Variants in PRDM16 observed in about 807,000 individuals in gnomAD.
PRDM16 encodes histone-lysine N-methyltransferase PRDM16.
PRDM16 carries 23 observed loss-of-function variants against 110.6 expected under a neutral mutation model. That is an observed-to-expected ratio of 0.21 (90% CI 0.15 to 0.29). The LOEUF is 0.29. Ranked by LOEUF, PRDM16 falls within the 10% of genes least tolerant of loss-of-function variation. PRDM16 has a pLI of 1.00. For synonymous variants in PRDM16, 799 were observed against 781.8 expected, an observed-to-expected ratio of 1.02 and a Z score of -0.37; for missense variants, 1,615 against 1,794.3, an observed-to-expected ratio of 0.90 and a Z score of 1.81.
Position 3,411,656 on chromosome 1 carries a change from G to A in PRDM16, c.1459G>A (p.Glu487Lys), listed in dbSNP as rs1288282760. 6.2e-6 allele frequency: 10 copies of A among 1,613,376 alleles called. No homozygotes were observed. The highest frequency in any genetic ancestry group is 8.5e-6 in the Non-Finnish European group (10 of 1,179,594). Reference protein sequence around the residue: ...SLNHASLGFNEYFPSRPHPGS... With the variant: ...SLNHASLGFNKYFPSRPHPGS... ...CAATCACGCCAGCCTGGGCTTCAAC[G>A]AGTACTTTCCCTCCAGGCCGCACCC... Residue 487 changes from glutamate to lysine, a missense_variant, in exon 9 of 17, where the codon GAG becomes AAG. By Grantham distance (56) the Glu-to-Lys change is moderately conservative. Transcript: ENST00000270722.
intron 3 of PRDM16, among the ~76,000 whole-genome samples, chr1:3,293,049 C>A (rs1641012249): frequency 6.6e-6 from 1 of 152,248 alleles, no homozygotes; most frequent in Non-Finnish European, 1.5e-5. Flanking sequence ...GGGAACACAT[C>A]CAGGTGCCTT....
In PRDM16 at chr1:3,244,945, T is replaced by TG. The variant is rs35919026; in HGVS notation, c.438+817dup. On this transcript the variant is annotated intron_variant, in intron 3 of 16. Coordinates refer to ENST00000270722, the MANE Select transcript of PRDM16 (RefSeq NM_022114.4). This position sits in a 1 kb window ranked among gnomAD's most constrained non-coding sequence, Gnocchi z 4.1. ...ACGTGGTGGCTGATCTCCTATTTTT[T>TG]GGGGGGGGGTTTCTAGTAAAATTAA... Among the ~76,000 whole-genome samples, 197 of 151,504 alleles carry TG rather than the reference T, an allele frequency of 1.3e-3. No homozygotes were observed. In the Middle Eastern group the frequency reaches 0.017, roughly 13 times the overall value.
intron 1 of PRDM16, among the ~76,000 whole-genome samples, chr1:3,181,473 CGCAGTCTTACACACAGCCTTACGCAT>C (rs1644182280): frequency 9.8e-5 from 4 of 40,996 alleles, no homozygotes; most frequent in African/African-American, 2.0e-4. Flanking sequence ...GTCTTACACA[CGCAGTCTTACACACAGCCTTACGCAT>C]GGTCTTACAC....
intron 3 of PRDM16, among the ~76,000 whole-genome samples, chr1:3,352,979 G>T (rs559838484): frequency 6.6e-5 from 10 of 152,330 alleles, no homozygotes; most frequent in African/African-American, 2.4e-4. Context: ...GGGCCCATGC[G>T]TGGCCGGAGG....
intron 1 of PRDM16, among the ~76,000 whole-genome samples, chr1:3,104,618 C>T (rs1007390930): frequency 2.6e-5 from 3 of 115,208 alleles, no homozygotes; most frequent in African/African-American, 1.2e-4. Context: ...CATGTGCCAG[C>T]GGCCCTCTCC....
chr1:3,316,641 AACAGTGAC>A (rs1441181332), intron 3 of PRDM16, among the ~76,000 whole-genome samples: 39 of 148,990 alleles, frequency 2.6e-4, no homozygotes, highest in African/African-American at 9.0e-4. Context: ...GTAGGCAGAA[AACAGTGAC>A]ACAGTGACAC....
chr1:3,264,115 C>A (rs1640230744), intron 3 of PRDM16, among the ~76,000 whole-genome samples: 1 of 152,210 alleles, frequency 6.6e-6, no homozygotes, highest in African/African-American at 2.4e-5. Context: ...AGCCCACCAT[C>A]CCCTGGAAGA....
At chr1:3,326,994 C>G (rs1641927805) in intron 3 of PRDM16, among the ~76,000 whole-genome samples, 1 of 152,234 alleles carries the variant, frequency 6.6e-6, no homozygotes, top group Admixed American at 6.5e-5. Flanking sequence ...GGAGCCCACG[C>G]ACAGGGCCTG....
chr1:3,100,592 T>A (rs1413213784), intron 1 of PRDM16, among the ~76,000 whole-genome samples: 2 of 152,160 alleles, frequency 1.3e-5, no homozygotes, highest in Non-Finnish European at 2.9e-5. Flanking sequence ...GCACGGCCCA[T>A]GGTCCTCCCA....
intron 2 of PRDM16, among the ~76,000 whole-genome samples, chr1:3,215,466 T>TCCCGGGGACAGGCAA (rs1453346869): frequency 3.3e-5 from 5 of 149,254 alleles, no homozygotes; most frequent in East Asian, 2.0e-4. Flanking sequence ...GGGTCATGGG[T>TCCCGGGGACAGGCAA]GGAGGCGGGA....
intron 1 of PRDM16, among the ~76,000 whole-genome samples, chr1:3,150,720 C>A (rs1190223067): frequency 6.6e-6 from 1 of 152,104 alleles, no homozygotes; most frequent in Admixed American, 6.5e-5. Flanking sequence ...TAGACTCGAG[C>A]TTCAAACACA....
intron 2 of PRDM16, among the ~76,000 whole-genome samples, chr1:3,197,691 G>A (rs1464419843): frequency 6.6e-6 from 1 of 152,192 alleles, no homozygotes; most frequent in Non-Finnish European, 1.5e-5. Flanking sequence ...CAGAATGGGT[G>A]GGGAGGGCGG....
intron 1 of PRDM16, among the ~76,000 whole-genome samples, chr1:3,111,922 G>A (rs1254962843): frequency 2.0e-5 from 3 of 152,208 alleles, no homozygotes; most frequent in Non-Finnish European, 2.9e-5. Context: ...TCATGTACTC[G>A]AAATTAACTT....
In PRDM16 at chr1:3,081,925, A is replaced by T. The variant is rs1471875859; in HGVS notation, c.37+12629A>T. 6.6e-6 allele frequency among the ~76,000 whole-genome samples: 1 copy of T among 152,194 alleles called. No homozygotes were observed. Among genetic ancestry groups the T allele is most frequent in the Non-Finnish European group, 1.5e-5 (1 of 68,038 alleles). ...GAGGCCTTCAGGGCCAGCAGTCAGGATGGGCAGATGAAGCCACAGTGTGCC... is the reference window on the plus strand; with the variant it reads ...GAGGCCTTCAGGGCCAGCAGTCAGGTTGGGCAGATGAAGCCACAGTGTGCC... On this transcript the variant is annotated intron_variant, in intron 1 of 16. Transcript: ENST00000270722. This position sits in a 1 kb window ranked among gnomAD's most constrained non-coding sequence, Gnocchi z 4.6.
In PRDM16 at chr1:3,142,358, G is replaced by A. The variant is rs58619174; in HGVS notation, c.38-43767G>A. Among the ~76,000 whole-genome samples the A allele has an allele frequency of 6.5e-4, 99 of 152,382 alleles. 1 individual carries two copies. Among genetic ancestry groups the A allele is most frequent in the Middle Eastern group, 3.4e-3 (1 of 294 alleles). ...ACGGGGAGCCCTGTCCCGGGGGTGC[G>A]GTGGGGACCGGCCCTCCCTGGCTCC... On this transcript the variant is annotated intron_variant, in intron 1 of 16. Coordinates refer to ENST00000270722, the MANE Select transcript of PRDM16 (RefSeq NM_022114.4).
rs532194716 is a variant in PRDM16 at position 3,293,989 on chromosome 1, G to C, written c.438+49852G>C. ...AACATATGACAGGATTCGGGTTTCT[G>C]GCTTCTCTAGAAGCCTGGGCTAGGC... is the stretch of plus-strand genomic sequence containing the variant. On this transcript the variant is annotated intron_variant, in intron 3 of 16. Coordinates refer to ENST00000270722, the MANE Select transcript of PRDM16 (RefSeq NM_022114.4). Among the ~76,000 whole-genome samples, 15 of 152,276 alleles carry C rather than the reference G, an allele frequency of 9.9e-5. No individual in the cohort carries two copies. In the East Asian group the frequency reaches 2.7e-3, roughly 28 times the overall value.
chr1:3,289,128 C>T (rs905161854), intron 3 of PRDM16, among the ~76,000 whole-genome samples: 9 of 152,214 alleles, frequency 5.9e-5, no homozygotes, highest in South Asian at 2.1e-4. Flanking sequence ...GCTTGTCGCC[C>T]GGCCCCTGCT....
At position 3,222,147 on chromosome 1, in the gene PRDM16, C is replaced by T. The variant is rs537093465; in HGVS notation, c.388-21940C>T. ...CAGGGCCAGCCTCCGCCACAGGTGC[C>T]GTGACCTTGAGCTCAGGTCCCACCC... On this transcript the variant is annotated intron_variant, in intron 2 of 16. Transcript: ENST00000270722. Among the ~76,000 whole-genome samples, 26 of 152,312 alleles carry T rather than the reference C, an allele frequency of 1.7e-4. No individual in the cohort carries two copies. In the South Asian group the frequency reaches 4.8e-3, roughly 28 times the overall value.
In PRDM16 at chr1:3,299,266, G is replaced by A. The variant is rs71202816; in HGVS notation, c.438+55129G>A. Among the ~76,000 whole-genome samples, 855 of 127,426 alleles carry A rather than the reference G, an allele frequency of 6.7e-3. 6 individuals carry two copies. Among genetic ancestry groups the A allele is most frequent in the African/African-American group, 0.022 (747 of 34,484 alleles). 83.6% of individuals were successfully genotyped at this position (127,426 alleles called of 152,430 possible). On this transcript the variant is annotated intron_variant, in intron 3 of 16. Coordinates refer to ENST00000270722, the MANE Select transcript of PRDM16 (RefSeq NM_022114.4). ...GATGTTTCAGATCCCAGTCGTGGTGGCTCTGCCCTTGTTGAAGATGCTATG... is the reference window on the plus strand; with the variant it reads ...GATGTTTCAGATCCCAGTCGTGGTGACTCTGCCCTTGTTGAAGATGCTATG...
Sources: gnomAD v4.1 joint callset for allele counts (sites outside exome capture counted in the v4.1 genomes callset) on GRCh38, gnomAD v4.1.1 for gene constraint, Gnocchi (gnomAD v3.1) non-coding constraint, MANE v1.5 for transcripts, NCBI Gene and HGNC (gene_info 2026-07-23, HGNC 2026-07-21) for gene names.